The following POR variants were observed in gnomAD, a reference collection of about 807,000 sequenced individuals.
The protein encoded by POR is NADPH--cytochrome P450 reductase.
A neutral mutation model predicts 84.0 loss-of-function variants in POR; 56 were observed. The ratio of observed to expected loss-of-function variants is 0.67; its 90% CI spans 0.54 to 0.83. The LOEUF is 0.83. POR is among the 40% of genes least tolerant of loss of function. POR has a pLI of 0.00. For missense variants in POR, 938 were observed against 944.3 expected, an observed-to-expected ratio of 0.99 and a Z score of 0.09; for synonymous variants, 414 against 400.5, an observed-to-expected ratio of 1.03 and a Z score of -0.40.
At chr7:75,958,421 G>A (rs1478973892) in intron 2 of POR, among the ~76,000 whole-genome samples, 13 of 152,104 alleles carry the variant, frequency 8.5e-5, no homozygotes, top group African/African-American at 2.9e-4. Flanking sequence ...CCTGGAGTGT[G>A]TTATTATTTT....
intron 2 of POR, among the ~76,000 whole-genome samples, chr7:75,966,139 C>T (rs1161338546): frequency 2.0e-5 from 3 of 152,182 alleles, no homozygotes; most frequent in African/African-American, 7.2e-5. Flanking sequence ...TAGAAAGCTT[C>T]TTGAATGCTA....
rs782579880 is a variant in POR at position 75,979,431 on chromosome 7, CCT to C, written c.238-19_238-18del. On this transcript the variant is annotated intron_variant, in intron 3 of 15. Coordinates refer to ENST00000461988, the MANE Select transcript of POR (RefSeq NM_000941.3). ...GCTGAGGTCTGTGGCCCTCACCAAC[CCT>C]GTGTCTGCCTTCCTTAGGGGAGGAA... 4.3e-6 allele frequency: 7 copies of C among 1,610,778 alleles called. No homozygotes were observed. Among genetic ancestry groups the C allele is most frequent in the Admixed American group, 1.7e-5 (1 of 59,578 alleles).
chr7:75,986,499 C>G lies in POR; in HGVS notation c.*18C>G. The G allele has an allele frequency of 6.2e-7, 1 of 1,603,630 alleles. No individual in the cohort carries two copies. Among genetic ancestry groups the G allele is most frequent in the African/African-American group, 1.3e-5 (1 of 74,952 alleles). On this transcript the variant is annotated 3_prime_UTR_variant, in exon 16 of 16. Transcript: ENST00000461988. ...GGAGCTAGGGGCCTGCCTGCCCCAC[C>G]CACCCCACAGACTCCGGCCTGTAAT...
At chr7:75,979,719 A>T in intron 4 of POR, 140 bp downstream of exon 4, 1 of 1,204,600 alleles carries the variant, frequency 8.3e-7, no homozygotes, top group South Asian at 1.4e-5. Flanking sequence ...CCTTCCCGTG[A>T]GGGTCATTGC....
At chr7:75,981,312 TCTGCC>T in intron 6 of POR, 140 bp downstream of exon 6, 2 of 1,344,522 alleles carry the variant, frequency 1.5e-6, no homozygotes, top group Non-Finnish European at 2.0e-6. Flanking sequence ...CTCTCCTGCC[TCTGCC>T]CTGCCCCTGC....
chr7:75,973,053 C>G (rs896501840), intron 3 of POR, among the ~76,000 whole-genome samples: 1 of 152,052 alleles, frequency 6.6e-6, no homozygotes, highest in Non-Finnish European at 1.5e-5. Flanking sequence ...GAACTCCTGA[C>G]CTCAGGTGAT....
In POR at chr7:75,954,117, C is replaced by G; in HGVS notation, c.125C>G (p.Thr42Ser). The change falls in exon 2 of 16, where the codon ACC (threonine) becomes AGC (serine). Residue 42 changes from threonine to serine, a missense_variant. By Grantham distance (58) the Thr-to-Ser change is moderately conservative. Transcript: ENST00000461988. Reference sequence around the variant, plus strand: ...TTTTCGCTCATCGTGGGTCTCCTAACCTACTGGTTCCTCTTCAGAAAGAAA... The same window carrying G: ...TTTTCGCTCATCGTGGGTCTCCTAAGCTACTGGTTCCTCTTCAGAAAGAAA... The G allele has an allele frequency of 1.1e-5, 18 of 1,613,424 alleles. No individual in the cohort carries two copies. The highest frequency in any genetic ancestry group is 1.4e-5 in the Non-Finnish European group (17 of 1,179,624).
intron 1 of POR, among the ~76,000 whole-genome samples, chr7:75,925,291 T>C (rs1053657566): frequency 2.6e-5 from 4 of 152,132 alleles, no homozygotes; most frequent in Non-Finnish European, 5.9e-5. Context: ...GAGGATCACT[T>C]GTGGCCAGGA....
At chr7:75,932,568 A>C (rs1807472945) in intron 1 of POR, among the ~76,000 whole-genome samples, 1 of 149,968 alleles carries the variant, frequency 6.7e-6, no homozygotes, top group East Asian at 1.9e-4. Context: ...ACTTTTTTAA[A>C]AACAGTTTTA....
chr7:75,938,594 CA>C (rs1343989361), intron 1 of POR, among the ~76,000 whole-genome samples: 1 of 152,014 alleles, frequency 6.6e-6, no homozygotes, highest in Admixed American at 6.6e-5. Flanking sequence ...CCCATCTCTA[CA>C]AAAAAATTTA....
intron 2 of POR, among the ~76,000 whole-genome samples, chr7:75,955,980 G>T (rs1255127321): frequency 6.6e-6 from 1 of 152,170 alleles, no homozygotes; most frequent in Non-Finnish European, 1.5e-5. Context: ...ACCATGGACA[G>T]GGAATTAGTT....
intron 1 of POR, among the ~76,000 whole-genome samples, chr7:75,937,496 AAG>A (rs1807757251): frequency 1.4e-5 from 2 of 147,380 alleles, no homozygotes; most frequent in African/African-American, 5.1e-5. Context: ...AAAAAAAAAA[AAG>A]AAGGCCGTGT....
intron 3 of POR, among the ~76,000 whole-genome samples, chr7:75,973,066 G>A (rs367594996): frequency 6.1e-4 from 92 of 151,880 alleles, no homozygotes; most frequent in African/African-American, 2.1e-3. Flanking sequence ...CAGGTGATCC[G>A]CCCGCCTCAG....
Position 75,979,592 on chromosome 7 carries a change from C to T in POR, c.366+13C>T, listed in dbSNP as rs72553994. 143 of 1,612,398 alleles carry T rather than the reference C, an allele frequency of 8.9e-5. No homozygotes were observed. Among genetic ancestry groups the T allele is most frequent in the African/African-American group, 8.8e-4 (66 of 75,048 alleles). On this transcript the variant is annotated intron_variant, in intron 4 of 15. Transcript: ENST00000461988. Reference sequence around the variant, plus strand: ...GGAGTATGACCTGGTAAGCTGCCACCGCGTGCTGGCCCCAGATGGAGGCAG... The same window carrying T: ...GGAGTATGACCTGGTAAGCTGCCACTGCGTGCTGGCCCCAGATGGAGGCAG...
intron 2 of POR, among the ~76,000 whole-genome samples, chr7:75,966,944 T>C (rs1049516771): frequency 2.6e-5 from 4 of 152,198 alleles, no homozygotes; most frequent in Admixed American, 6.5e-5. Context: ...GCCACCTCTG[T>C]ACGGCTGGAG....
intron 1 of POR, among the ~76,000 whole-genome samples, chr7:75,953,356 T>TA (rs781821579): frequency 0.025 from 2,999 of 122,384 alleles, 119 homozygotes; most frequent in African/African-American, 0.076. Flanking sequence ...CTTTGTCTCT[T>TA]AAAAAAAAAA....
At chr7:75,954,807 A>T (rs1163083863) in intron 2 of POR, among the ~76,000 whole-genome samples, 1 of 151,066 alleles carries the variant, frequency 6.6e-6, no homozygotes, top group Non-Finnish European at 1.5e-5. Flanking sequence ...TCCCAGGCTC[A>T]AGCAATTCTT....
At chr7:75,934,130 T>C (rs1367869132) in intron 1 of POR, among the ~76,000 whole-genome samples, 18 of 124,346 alleles carry the variant, frequency 1.4e-4, no homozygotes, top group African/African-American at 7.7e-4. Context: ...AGAGTGTGTG[T>C]GTGTGTGTGT....
intron 1 of POR, among the ~76,000 whole-genome samples, chr7:75,951,937 G>A (rs936521875): frequency 4.7e-4 from 71 of 152,192 alleles, no homozygotes; most frequent in African/African-American, 1.6e-3. Context: ...CCTCCCTCCC[G>A]GACGGGGCGG....
Sources: allele counts gnomAD v4.1 joint callset (sites outside exome capture counted in the v4.1 genomes callset), GRCh38; gene constraint gnomAD v4.1.1; transcripts MANE v1.5; gene names NCBI Gene and HGNC (gene_info 2026-07-23, HGNC 2026-07-21).